NAP1L1: variants seen among roughly 807,000 people sequenced by gnomAD.
NAP1L1 encodes the protein nucleosome assembly protein 1-like 1.
In NAP1L1, 9 loss-of-function variants were observed where a neutral mutation model predicts 58.9. The observed-to-expected ratio is 0.15, with a 90% CI of 0.09 to 0.27. The LOEUF is 0.27. NAP1L1 is among the 10% of genes least tolerant of loss of function. The probability of loss-of-function intolerance (pLI) is 1.00; values close to 1 mark genes in which losing one functional copy is unlikely to be tolerated. For synonymous variants in NAP1L1, 130 were observed against 138.3 expected (o/e 0.94, Z 0.42); for missense variants, 302 against 458.8 (o/e 0.66, Z 3.12).
intron 4 of NAP1L1, 74 bp downstream of exon 4, chr12:76,067,297 A>T: frequency 9.0e-7 from 1 of 1,114,242 alleles, no homozygotes; most frequent in Non-Finnish European, 1.3e-6. Flanking sequence ...TCTAAATCCT[A>T]GATGGTCTTA....
intron 1 of NAP1L1, among the ~76,000 whole-genome samples, chr12:76,082,722 A>T (rs545458705): frequency 7.2e-5 from 11 of 152,230 alleles, no homozygotes; most frequent in Non-Finnish European, 1.5e-4. Context: ...TGCCTTGAAA[A>T]TAACTGTAAA....
At chr12:76,052,013 CA>C (rs1006208797) in intron 11 of NAP1L1, among the ~76,000 whole-genome samples, 11 of 146,136 alleles carry the variant, frequency 7.5e-5, no homozygotes, top group African/African-American at 1.5e-4. Flanking sequence ...TACTTCATCT[CA>C]AAAAAAAAAT....
intron 1 of NAP1L1, chr12:76,083,734 A>G (rs1319383529): frequency 6.6e-6 from 1 of 152,252 alleles, no homozygotes; most frequent in Non-Finnish European, 1.5e-5. Flanking sequence ...CTTCCTTATC[A>G]TCAGCTAACA....
At chr12:76,080,335 T>C (rs1013088470) in intron 1 of NAP1L1, among the ~76,000 whole-genome samples, 1 of 152,230 alleles carries the variant, frequency 6.6e-6, no homozygotes, top group Non-Finnish European at 1.5e-5. Context: ...GGACAATAAA[T>C]GATTTATTGG....
At position 76,068,916 on chromosome 12, in the gene NAP1L1, T is replaced by A. The variant is rs760749588; in HGVS notation, c.96A>T (p.Lys32Asn). The part of the protein sequence containing the change: ...VEEEETGEET[K>N]LKARQLTVQM... ...AGTAATTTAAAGTAATACCTTTGAGTTTTGTTTCTTCACCAGTTTCCTCTT... is the reference window on the plus strand; with the variant it reads ...AGTAATTTAAAGTAATACCTTTGAGATTTGTTTCTTCACCAGTTTCCTCTT... Residue 32 changes from lysine (K) to asparagine (N), a missense_variant, in exon 3 of 15, where the codon AAA (lysine) becomes AAT (asparagine). By Grantham distance (94) the Lys-to-Asn change is moderately conservative. Coordinates refer to ENST00000618691, the MANE Select transcript of NAP1L1 (RefSeq NM_004537.7). The A allele has an allele frequency of 6.2e-7, 1 of 1,610,178 alleles. No individual in the cohort carries two copies. Among genetic ancestry groups the A allele is most frequent in the East Asian group, 2.2e-5 (1 of 44,842 alleles).
intron 2 of NAP1L1, 87 bp from the exon 3 acceptor site, chr12:76,069,081 T>G: frequency 2.2e-6 from 2 of 913,822 alleles, no homozygotes; most frequent in Non-Finnish European, 3.4e-6. Flanking sequence ...TTTTCAAAAT[T>G]AGTATCTCTT....
At chr12:76,049,083 C>T (rs1312922186) in intron 14 of NAP1L1, 117 bp downstream of exon 14, 2 of 995,100 alleles carry the variant, frequency 2.0e-6, no homozygotes, top group Non-Finnish European at 3.1e-6. Context: ...CAAAGTTATC[C>T]AGTCAATAGG....
intron 1 of NAP1L1, among the ~76,000 whole-genome samples, chr12:76,081,751 A>G (rs765757386): frequency 2.6e-5 from 4 of 152,228 alleles, no homozygotes; most frequent in Non-Finnish European, 5.9e-5. Flanking sequence ...TCATTGTGCT[A>G]AACGACTTAC....
chr12:76,067,841 A>G (rs1384769335), intron 3 of NAP1L1, among the ~76,000 whole-genome samples: 1 of 152,222 alleles, frequency 6.6e-6, no homozygotes, highest in Non-Finnish European at 1.5e-5. Context: ...CAGACAACAC[A>G]TATCAGAAAA....
At chr12:76,055,885 T>C in intron 7 of NAP1L1, 148 bp downstream of exon 7, 1 of 804,272 alleles carries the variant, frequency 1.2e-6, no homozygotes, top group South Asian at 1.6e-5. Flanking sequence ...TAATCAAAGC[T>C]GTAATTTCTC....
At position 76,041,729 on chromosome 12, in the gene NAP1L1, T is replaced by C. The variant is rs1160311763; in HGVS notation, c.*6700A>G. 1 of 152,066 alleles carries C rather than the reference T, an allele frequency of 6.6e-6. No homozygotes were observed. Among genetic ancestry groups the C allele is most frequent in the East Asian group, 1.9e-4 (1 of 5,188 alleles). The allele number at this position is 152,066 out of a possible 1,614,324, so 9.4% of individuals were successfully genotyped here. On this transcript the variant is annotated 3_prime_UTR_variant, in exon 15 of 15. Transcript: ENST00000618691. Reference sequence around the variant, plus strand: ...AGAATCATCTCAAAGATAATAAAAATAAAACTTTGTTGACTGGCCTAATCC... The same window carrying C: ...AGAATCATCTCAAAGATAATAAAAACAAAACTTTGTTGACTGGCCTAATCC...
At chr12:76,083,251 T>C (rs966692258) in intron 1 of NAP1L1, among the ~76,000 whole-genome samples, 2 of 152,036 alleles carry the variant, frequency 1.3e-5, no homozygotes, top group South Asian at 2.1e-4. Context: ...CCACCTCCCA[T>C]CTTAAAAAGG....
At chr12:76,056,409 T>C (rs772196603) in intron 6 of NAP1L1, 5 of 393,166 alleles carry the variant, frequency 1.3e-5, no homozygotes, top group South Asian at 1.0e-4. Flanking sequence ...AAAAAAAAAA[T>C]GTAAAAACTA....
rs1397215295 is a variant in NAP1L1 at position 76,057,899 on chromosome 12, C to A, written c.430-1738G>T. On this transcript the variant is annotated intron_variant, in intron 6 of 14. Coordinates refer to ENST00000618691, the MANE Select transcript of NAP1L1 (RefSeq NM_004537.7). ...ACAAAAGGTTACTATAGCCAAAATT[C>A]CCAGAGCAAAGAAATATGTGACAAG... The A allele has an allele frequency of 3.9e-6, 5 of 1,290,916 alleles. No individual in the cohort carries two copies. The African/African-American group carries it at 7.3e-5, about 19-fold the overall frequency. 80.0% of individuals were successfully genotyped at this position (1,290,916 alleles called of 1,614,324 possible).
At position 76,045,363 on chromosome 12, in the gene NAP1L1, T is replaced by C. The variant is rs1000656834; in HGVS notation, c.*3066A>G. The C allele has an allele frequency of 6.6e-6, 1 of 152,120 alleles. No homozygotes were observed. The highest frequency in any genetic ancestry group is 1.5e-5 in the Non-Finnish European group (1 of 67,944). 9.4% of individuals were successfully genotyped at this position (152,120 alleles called of 1,614,324 possible). A position where few individuals can be genotyped will look rare whatever the true frequency, so the allele number is the denominator to read the frequency against. ...TGAATATTAGTTCAATATTTCTACA[T>C]AGCACGATAAGATTTTCAGTTACTT... On this transcript the variant is annotated 3_prime_UTR_variant, in exon 15 of 15. Transcript: ENST00000618691.
rs1187313817 is a variant in NAP1L1, at chr12:76,047,118, C to CT, written c.*1310dup. On this transcript the variant is annotated 3_prime_UTR_variant, in exon 15 of 15. Transcript: ENST00000618691. ...ATCAAAGCGTGGTGTGAACAAAATG[C>CT]TTAGTGTCACACTGGCATTACAAAT... 1 of 152,434 alleles carries CT rather than the reference C, an allele frequency of 6.6e-6. No individual in the cohort carries two copies. Among genetic ancestry groups the CT allele is most frequent in the African/African-American group, 2.4e-5 (1 of 41,418 alleles). The allele number at this position is 152,434 out of a possible 1,614,324, so 9.4% of individuals were successfully genotyped here.
rs368413083 is a variant in NAP1L1 at position 76,068,902 on chromosome 12, G to T, written c.103+7C>A. ...TCACTGGCTCCTGAAGTAATTTAAA[G>T]TAATACCTTTGAGTTTTGTTTCTTC... On this transcript the variant is annotated splice_region_variant and intron_variant, in intron 3 of 14. Coordinates refer to ENST00000618691, the MANE Select transcript of NAP1L1 (RefSeq NM_004537.7). 3.1e-6 allele frequency: 5 copies of T among 1,596,258 alleles called. No individual in the cohort carries two copies. Among genetic ancestry groups the T allele is most frequent in the African/African-American group, 1.3e-5 (1 of 74,390 alleles).
At chr12:76,081,225 C>T (rs1391221752) in intron 1 of NAP1L1, among the ~76,000 whole-genome samples, 4 of 152,162 alleles carry the variant, frequency 2.6e-5, no homozygotes, top group African/African-American at 4.8e-5. Context: ...TATCACTGCT[C>T]ACGTACGTAA....
chr12:76,056,561 T>C (rs1949097917), intron 6 of NAP1L1: 7 of 449,170 alleles, frequency 1.6e-5, no homozygotes, highest in South Asian at 1.1e-4. Flanking sequence ...GCTAGAGAGG[T>C]GGAACACTTA....
Sources: gnomAD v4.1 joint callset for allele counts (sites outside exome capture counted in the v4.1 genomes callset) on GRCh38, gnomAD v4.1.1 for gene constraint, MANE v1.5 for transcripts, NCBI Gene and HGNC (gene_info 2026-07-23, HGNC 2026-07-21) for gene names.